ROCK2: variants seen among roughly 807,000 people sequenced by gnomAD.
The protein encoded by ROCK2 is Rho associated coiled-coil containing protein kinase 2.
A neutral mutation model predicts 195.1 loss-of-function variants in ROCK2; 61 were observed. The ratio of observed to expected loss-of-function variants is 0.31; its 90% CI spans 0.25 to 0.39. ROCK2 has a LOEUF of 0.39. Ranked by LOEUF, ROCK2 falls within the 10% of genes least tolerant of loss-of-function variation. The pLI, the probability that ROCK2 is intolerant of heterozygous loss-of-function variation, is 1.00. For synonymous variants in ROCK2, 504 were observed against 545.5 expected (o/e 0.92, Z 1.06); for missense variants, 1,109 against 1,637.4 (o/e 0.68, Z 5.57).
At chr2:11,200,508 CA>C (rs2148042929) in intron 23 of ROCK2, among the ~76,000 whole-genome samples, 2 of 152,284 alleles carry the variant, frequency 1.3e-5, no homozygotes, top group African/African-American at 4.8e-5. Context: ...CCTCCCTTTT[CA>C]TTTCCACTGA....
At chr2:11,205,345 C>T (rs1433602528) in intron 20 of ROCK2, among the ~76,000 whole-genome samples, 1 of 152,172 alleles carries the variant, frequency 6.6e-6, no homozygotes, top group African/African-American at 2.4e-5. Context: ...ATACCCCTGG[C>T]CTTATATATA....
intron 1 of ROCK2, among the ~76,000 whole-genome samples, chr2:11,289,455 T>G (rs76750632): frequency 6.6e-6 from 1 of 152,240 alleles, no homozygotes; most frequent in Non-Finnish European, 1.5e-5. Context: ...TACTCTGTAT[T>G]ACAATTTCAA....
chr2:11,227,905 G>A (rs1337029127), intron 5 of ROCK2, among the ~76,000 whole-genome samples: 1 of 152,128 alleles, frequency 6.6e-6, no homozygotes, highest in Non-Finnish European at 1.5e-5. Context: ...TAGATCAAAT[G>A]TTTAAATTAA....
chr2:11,313,386 T>C (rs1381981225), intron 1 of ROCK2, among the ~76,000 whole-genome samples: 2 of 152,096 alleles, frequency 1.3e-5, no homozygotes, highest in Non-Finnish European at 2.9e-5. Context: ...CAGCAGATGC[T>C]ACCATATTTA....
intron 23 of ROCK2, among the ~76,000 whole-genome samples, chr2:11,200,173 C>A (rs986291296): frequency 2.0e-5 from 3 of 152,150 alleles, no homozygotes; most frequent in African/African-American, 7.2e-5. Context: ...GAATTGCAGA[C>A]ATTCTACATA....
chr2:11,264,607 G>A (rs555284048), intron 3 of ROCK2, among the ~76,000 whole-genome samples: 4 of 152,198 alleles, frequency 2.6e-5, no homozygotes, highest in African/African-American at 9.6e-5. Flanking sequence ...ATATGAGTTG[G>A]GGAGCAAAGT....
At chr2:11,233,628 G>A (rs1303093062) in intron 5 of ROCK2, among the ~76,000 whole-genome samples, 1 of 151,330 alleles carries the variant, frequency 6.6e-6, no homozygotes, top group Non-Finnish European at 1.5e-5. Context: ...TAAATTGATT[G>A]ATAGATACTA....
intron 1 of ROCK2, among the ~76,000 whole-genome samples, chr2:11,332,222 A>G (rs995141295): frequency 6.6e-6 from 1 of 152,186 alleles, no homozygotes; most frequent in South Asian, 2.1e-4. Flanking sequence ...CTTGGAAACA[A>G]AAAGTATCAT....
At chr2:11,210,323 C>T (rs1321911002) in intron 18 of ROCK2, among the ~76,000 whole-genome samples, 1 of 151,376 alleles carries the variant, frequency 6.6e-6, no homozygotes, top group African/African-American at 2.4e-5. Context: ...TGAAAATAGT[C>T]CTTTTTTTTT....
intron 32 of ROCK2, among the ~76,000 whole-genome samples, chr2:11,187,399 T>C (rs1663236335): frequency 6.6e-6 from 1 of 152,226 alleles, no homozygotes. Flanking sequence ...TTACTAATGG[T>C]CTTCATTATC....
In ROCK2 at chr2:11,343,984, C is replaced by G. The variant is rs1465574879; in HGVS notation, c.141+12G>C. On this transcript the variant is annotated intron_variant, in intron 1 of 32. Transcript: ENST00000315872. ...GCTGCAACGAGCAAGCTCCCAGGCC[C>G]CGGCCACCTACCAGCAAGCTCTCCA... is the stretch of plus-strand genomic sequence containing the variant. 11 of 1,585,886 alleles carry G rather than the reference C, an allele frequency of 6.9e-6. No homozygotes were observed. The highest frequency in any genetic ancestry group is 1.1e-5 in the South Asian group (1 of 89,686).
In ROCK2 at chr2:11,248,708, C is replaced by CAAAAAAAAAAAAAAAA. The variant is rs70953372; in HGVS notation, c.462+937_462+952dup. 3.3e-3 allele frequency among the ~76,000 whole-genome samples: 148 copies of CAAAAAAAAAAAAAAAA among 45,412 alleles called. 1 individual carries two copies. Among genetic ancestry groups the CAAAAAAAAAAAAAAAA allele is most frequent in the Middle Eastern group, 0.026 (1 of 38 alleles). The allele number at this position is 45,412 out of a possible 152,430, so 29.8% of individuals were successfully genotyped here. Reference sequence around the variant, plus strand: ...TGAGCAACAGAGCAAGACTTCATCTCAAAAAAAAAAAAAAAAAAAAAAAAA... The same window carrying CAAAAAAAAAAAAAAAA: ...TGAGCAACAGAGCAAGACTTCATCTCAAAAAAAAAAAAAAAAAAAAAAAAAAAAAAAAAAAAAAAAA... On this transcript the variant is annotated intron_variant, in intron 4 of 32. Transcript: ENST00000315872.
chr2:11,301,226 C>T (rs920274587), intron 1 of ROCK2, among the ~76,000 whole-genome samples: 1 of 151,908 alleles, frequency 6.6e-6, no homozygotes, highest in Non-Finnish European at 1.5e-5. Flanking sequence ...TGTTTTAATA[C>T]TATAGTCCAT....
At chr2:11,224,786 T>C (rs1428550669) in intron 6 of ROCK2, among the ~76,000 whole-genome samples, 3 of 152,028 alleles carry the variant, frequency 2.0e-5, no homozygotes, top group South Asian at 2.1e-4. Flanking sequence ...AGAGTTCCTA[T>C]GTGGGGTCAG....
intron 1 of ROCK2, among the ~76,000 whole-genome samples, chr2:11,339,268 A>T (rs1451369852): frequency 6.6e-6 from 1 of 152,218 alleles, no homozygotes; most frequent in Non-Finnish European, 1.5e-5. Flanking sequence ...TGGACAGATA[A>T]AGAAAATACA....
intron 20 of ROCK2, among the ~76,000 whole-genome samples, chr2:11,206,210 G>A (rs1015281627): frequency 2.6e-5 from 4 of 152,104 alleles, no homozygotes; most frequent in African/African-American, 9.7e-5. Context: ...CCTATTAGGT[G>A]GCTAAGATAG....
intron 3 of ROCK2, among the ~76,000 whole-genome samples, chr2:11,270,165 A>G (rs984752438): frequency 6.6e-6 from 1 of 151,814 alleles, no homozygotes; most frequent in African/African-American, 2.4e-5. Flanking sequence ...ATACTTTAAA[A>G]ATTTTATTCC....
chr2:11,214,559 C>A, intron 16 of ROCK2, 96 bp from the exon 17 acceptor site: 1 of 750,120 alleles, frequency 1.3e-6, no homozygotes, highest in Non-Finnish European at 2.2e-6. Context: ...TATTTTGGAG[C>A]TGTTGTTTGT....
At chr2:11,240,434 TA>T in intron 4 of ROCK2, among the ~76,000 whole-genome samples, 1 of 152,150 alleles carries the variant, frequency 6.6e-6, no homozygotes, top group East Asian at 1.9e-4. Flanking sequence ...TATTCAGCAC[TA>T]AAAAGGGATG....
Sources: gnomAD v4.1 joint callset for allele counts (sites outside exome capture counted in the v4.1 genomes callset) on GRCh38, gnomAD v4.1.1 for gene constraint, MANE v1.5 for transcripts, NCBI Gene and HGNC (gene_info 2026-07-23, HGNC 2026-07-21) for gene names.